The following STPG2 variants were observed in gnomAD, a reference collection of about 807,000 sequenced individuals.
STPG2 encodes sperm tail PG-rich repeat containing 2, also known as sperm-tail PG-rich repeat-containing protein 2.
A neutral mutation model predicts 54.2 loss-of-function variants in STPG2; 56 were observed. The observed-to-expected ratio is 1.03, with a 90% CI of 0.83 to 1.29. The LOEUF is 1.29. Ranked by LOEUF, STPG2 falls within the 50% of genes most tolerant of loss-of-function variation. The pLI is 0.00. For synonymous variants in STPG2, 200 were observed against 181.8 expected (o/e 1.10, Z -0.81); for missense variants, 596 against 544.9 (o/e 1.09, Z -0.93).
intron 10 of STPG2, among the ~76,000 whole-genome samples, chr4:97,644,758 G>C (rs1042469136): frequency 7.2e-5 from 11 of 152,144 alleles, no homozygotes; most frequent in Admixed American, 2.6e-4. Context: ...TGACTTACCA[G>C]AGCATAATTA....
At chr4:97,637,642 A>G (rs990333349) in intron 10 of STPG2, among the ~76,000 whole-genome samples, 2 of 152,244 alleles carry the variant, frequency 1.3e-5, no homozygotes, top group Non-Finnish European at 2.9e-5. Flanking sequence ...AACTTCAGCA[A>G]AGTCTCAGGA....
chr4:97,818,778 A>G (rs1727994399), intron 9 of STPG2, among the ~76,000 whole-genome samples: 1 of 151,818 alleles, frequency 6.6e-6, no homozygotes, highest in Non-Finnish European at 1.5e-5. Flanking sequence ...TCAGTTCTTT[A>G]GAAGTACTCA....
chr4:97,819,393 C>G (rs1728014438), intron 9 of STPG2, among the ~76,000 whole-genome samples: 1 of 151,984 alleles, frequency 6.6e-6, no homozygotes, highest in African/African-American at 2.4e-5. Flanking sequence ...AAAAAGTGAG[C>G]AAAACTACCT....
At chr4:98,133,991 G>T (rs369243146) in intron 2 of STPG2, among the ~76,000 whole-genome samples, 2 of 151,968 alleles carry the variant, frequency 1.3e-5, no homozygotes, top group South Asian at 2.1e-4. Context: ...TTAAAGCATG[G>T]CACAAAAACC....
chr4:98,013,291 G>C (rs1037114090), intron 5 of STPG2, among the ~76,000 whole-genome samples: 3 of 152,132 alleles, frequency 2.0e-5, no homozygotes, highest in Non-Finnish European at 2.9e-5. Context: ...TTGCATCCCA[G>C]GGATGGAACC....
intron 8 of STPG2, among the ~76,000 whole-genome samples, chr4:97,904,657 C>G (rs1047506262): frequency 6.6e-6 from 1 of 152,106 alleles, no homozygotes; most frequent in African/African-American, 2.4e-5. Context: ...TCAAATTACT[C>G]CGAGCTATGG....
intron 5 of STPG2, among the ~76,000 whole-genome samples, chr4:98,082,767 A>C (rs13128640): frequency 0.4 from 59,943 of 151,494 alleles, 12,084 homozygotes; most frequent in Middle Eastern, 0.46. Context: ...ACTCTTAATA[A>C]GTCAAACATT....
intron 10 of STPG2, among the ~76,000 whole-genome samples, chr4:97,563,655 T>A (rs1473065237): frequency 2.6e-5 from 4 of 152,198 alleles, no homozygotes; most frequent in South Asian, 2.1e-4. Context: ...TTTTCATTAG[T>A]TTCAAAGAAC....
intron 8 of STPG2, among the ~76,000 whole-genome samples, chr4:97,848,885 C>G (rs1450838110): frequency 2.7e-5 from 4 of 150,612 alleles, no homozygotes; most frequent in Admixed American, 1.3e-4. Flanking sequence ...CAGTACCATG[C>G]TGTTTTGGTT....
intron 9 of STPG2, among the ~76,000 whole-genome samples, chr4:97,835,247 C>T (rs1388248068): frequency 1.3e-5 from 2 of 152,074 alleles, no homozygotes; most frequent in Non-Finnish European, 2.9e-5. Context: ...CCCACCAGTG[C>T]CACAACAGCT....
intron 4 of STPG2, among the ~76,000 whole-genome samples, chr4:97,482,691 G>A (rs548793215): frequency 6.6e-6 from 1 of 151,610 alleles, no homozygotes; most frequent in Admixed American, 6.6e-5. Flanking sequence ...ATGACAAAAT[G>A]CAAGAAGTAC....
chr4:97,822,181 A>G (rs1300787763), intron 9 of STPG2, among the ~76,000 whole-genome samples: 2 of 152,136 alleles, frequency 1.3e-5, no homozygotes, highest in African/African-American at 4.8e-5. Context: ...CCATTTCTTA[A>G]ATGCTTTGCT....
At chr4:97,547,355 A>C (rs1263997495) in intron 4 of STPG2, among the ~76,000 whole-genome samples, 1 of 152,048 alleles carries the variant, frequency 6.6e-6, no homozygotes, top group Non-Finnish European at 1.5e-5. Context: ...AGACTACAGA[A>C]GCCCGCCACC....
chr4:97,496,528 C>T (rs1730614469), intron 4 of STPG2, among the ~76,000 whole-genome samples: 1 of 151,716 alleles, frequency 6.6e-6, no homozygotes, highest in Admixed American at 6.6e-5. Flanking sequence ...AGAATTACTG[C>T]ACTGCCATGG....
intron 9 of STPG2, among the ~76,000 whole-genome samples, chr4:97,724,215 TA>T (rs1724548684): frequency 6.6e-6 from 1 of 152,202 alleles, no homozygotes; most frequent in Non-Finnish European, 1.5e-5. Flanking sequence ...TTCCTTTTTT[TA>T]AGCTCTTCAT....
At chr4:97,892,134 G>A (rs1163376153) in intron 8 of STPG2, among the ~76,000 whole-genome samples, 2 of 152,086 alleles carry the variant, frequency 1.3e-5, no homozygotes, top group African/African-American at 4.8e-5. Context: ...ATAAAATATA[G>A]AGATATAATC....
intron 4 of STPG2, among the ~76,000 whole-genome samples, chr4:97,513,831 C>T (rs992789284): frequency 6.6e-6 from 1 of 152,076 alleles, no homozygotes; most frequent in Non-Finnish European, 1.5e-5. Flanking sequence ...ATATTTCTGA[C>T]AGTTTTCATG....
At chr4:97,812,764 A>T (rs948824410) in intron 9 of STPG2, among the ~76,000 whole-genome samples, 1 of 152,128 alleles carries the variant, frequency 6.6e-6, no homozygotes, top group African/African-American at 2.4e-5. Context: ...TCATGGATAG[A>T]ATGGCATCTG....
intron 10 of STPG2, among the ~76,000 whole-genome samples, chr4:97,700,962 A>T (rs891790525): frequency 3.9e-5 from 6 of 152,240 alleles, no homozygotes; most frequent in Non-Finnish European, 7.3e-5. Flanking sequence ...ATCCACTGTC[A>T]TTCTCCAAGA....
Sources: allele counts gnomAD v4.1 joint callset (sites outside exome capture counted in the v4.1 genomes callset), GRCh38; gene constraint gnomAD v4.1.1; transcripts MANE v1.5; gene names NCBI Gene and HGNC (gene_info 2026-07-23, HGNC 2026-07-21).